Variants in PEX7 observed in about 807,000 individuals in gnomAD.
PEX7 encodes the protein PTS2 receptor.
A neutral mutation model predicts 47.5 loss-of-function variants in PEX7; 34 were observed. The observed-to-expected ratio is 0.72, with a 90% CI of 0.54 to 0.95. The LOEUF (loss-of-function observed/expected upper bound fraction) is 0.95. Ranked by LOEUF, PEX7 falls within the 40% of genes least tolerant of loss-of-function variation. The probability of loss-of-function intolerance (pLI) is 0.00; values close to 1 mark genes in which losing one functional copy is unlikely to be tolerated. For synonymous variants in PEX7, 141 were observed against 148.8 expected, an observed-to-expected ratio of 0.95 and a Z score of 0.38; for missense variants, 394 against 400.3, an observed-to-expected ratio of 0.98 and a Z score of 0.13.
rs145009649 is a variant in PEX7 at position 136,905,466 on chromosome 6, C to CT, written c.903+7228dup. On this transcript the variant is annotated intron_variant, in intron 9 of 9. Transcript: ENST00000318471. ...TACACTCTCTTTTAAACCTGTCTTC[C>CT]TTTCATCATTCAATTGAAGTTAAGC... Among the ~76,000 whole-genome samples, 1,278 of 152,222 alleles carry CT rather than the reference C, an allele frequency of 8.4e-3. 9 individuals are homozygous for CT. The highest frequency in any genetic ancestry group is 0.034 in the Middle Eastern group (10 of 294).
chr6:136,857,522 A>G (rs1402833377), intron 5 of PEX7, among the ~76,000 whole-genome samples: 2 of 152,208 alleles, frequency 1.3e-5, no homozygotes, highest in African/African-American at 4.8e-5. Context: ...GAGGAATGCT[A>G]AGACAAAATC....
intron 3 of PEX7, among the ~76,000 whole-genome samples, chr6:136,833,233 G>A (rs1202322748): frequency 6.6e-6 from 1 of 152,138 alleles, no homozygotes; most frequent in Admixed American, 6.5e-5. Flanking sequence ...TGACAGGAGA[G>A]AGAGAGCAAG....
intron 3 of PEX7, among the ~76,000 whole-genome samples, chr6:136,844,980 C>A (rs1403342840): frequency 6.6e-6 from 1 of 152,112 alleles, no homozygotes; most frequent in Non-Finnish European, 1.5e-5. Context: ...TAATTATGCA[C>A]ATATTTTGTT....
intron 6 of PEX7, 120 bp downstream of exon 6, chr6:136,866,853 G>A (rs1195445159): frequency 1.2e-6 from 1 of 830,668 alleles, no homozygotes; most frequent in African/African-American, 1.7e-5. Context: ...GTTAAATTCT[G>A]TCCCTTTCCT....
chr6:136,904,232 G>A (rs746456070), intron 9 of PEX7, among the ~76,000 whole-genome samples: 21 of 152,072 alleles, frequency 1.4e-4, no homozygotes, highest in Non-Finnish European at 1.6e-4. Flanking sequence ...AGAAGCAGTC[G>A]GTGTCCTCAG....
intron 8 of PEX7, among the ~76,000 whole-genome samples, chr6:136,876,701 G>C (rs1259618204): frequency 6.6e-6 from 1 of 152,218 alleles, no homozygotes; most frequent in Non-Finnish European, 1.5e-5. Context: ...GTGTTCCATG[G>C]TGTATATGTG....
intron 3 of PEX7, among the ~76,000 whole-genome samples, chr6:136,828,476 C>T (rs1483389236): frequency 6.6e-6 from 1 of 152,208 alleles, no homozygotes; most frequent in Non-Finnish European, 1.5e-5. Context: ...TCTATAGCAA[C>T]CAACTGCTGC....
At position 136,911,030 on chromosome 6, in the gene PEX7, C is replaced by A. The variant is rs1294094406; in HGVS notation, c.904-2428C>A. Among the ~76,000 whole-genome samples the A allele has an allele frequency of 2.6e-5, 4 of 152,128 alleles. No homozygotes were observed. In the East Asian group the frequency reaches 5.8e-4, roughly 22 times the overall value. ...TTCACATATATTGAAATTTACAAAT[C>A]TTAGATATACATTTTTGACAAATAG... On this transcript the variant is annotated intron_variant, in intron 9 of 9. Transcript: ENST00000318471.
intron 9 of PEX7, among the ~76,000 whole-genome samples, chr6:136,907,634 G>A (rs1280861726): frequency 6.6e-6 from 1 of 152,026 alleles, no homozygotes; most frequent in East Asian, 1.9e-4. Context: ...GAAAAAAAGG[G>A]TATAATGATA....
intron 3 of PEX7, among the ~76,000 whole-genome samples, chr6:136,828,414 T>C (rs1318264662): frequency 6.6e-6 from 1 of 152,238 alleles, no homozygotes; most frequent in Non-Finnish European, 1.5e-5. Context: ...TATTTGACTT[T>C]TAGGTTGTTC....
At chr6:136,831,948 T>G (rs967885624) in intron 3 of PEX7, among the ~76,000 whole-genome samples, 20 of 152,366 alleles carry the variant, frequency 1.3e-4, no homozygotes, top group African/African-American at 4.6e-4. Context: ...TCAGTGAATC[T>G]ACCTTTCTGG....
chr6:136,849,667 G>T (rs1008951624), intron 5 of PEX7, among the ~76,000 whole-genome samples: 1 of 152,314 alleles, frequency 6.6e-6, no homozygotes, highest in Non-Finnish European at 1.5e-5. Context: ...GTGGTTTTGA[G>T]TGAGTTTCTT....
At chr6:136,837,327 A>C (rs971456949) in intron 3 of PEX7, among the ~76,000 whole-genome samples, 1 of 147,230 alleles carries the variant, frequency 6.8e-6, no homozygotes, top group Admixed American at 6.8e-5. Flanking sequence ...GCGCCACTGC[A>C]CTCCAGCCTG....
rs772891476 is a variant in PEX7 at position 136,869,941 on chromosome 6, A to C, written c.685A>C (p.Arg229=). 4 of 1,614,014 alleles carry C rather than the reference A, an allele frequency of 2.5e-6. No homozygotes were observed. In the African/African-American group the frequency reaches 5.3e-5, roughly 22 times the overall value. Residue 229 remains arginine, a synonymous_variant, in exon 7 of 10, where the codon AGG becomes CGG. Coordinates refer to ENST00000318471, the MANE Select transcript of PEX7 (RefSeq NM_000288.4). ...CTGTAGTTTGAGAGGCTGGGACTTA[A>C]GGAATGTACGACAACCAGTGTTTGA... is the stretch of plus-strand genomic sequence containing the variant. The part of the protein sequence containing the change: ...VDCSLRGWDL[R]NVRQPVFELL...
intron 5 of PEX7, among the ~76,000 whole-genome samples, chr6:136,859,716 T>C (rs991824979): frequency 1.3e-5 from 2 of 152,224 alleles, no homozygotes; most frequent in Admixed American, 1.3e-4. Context: ...CTTGCCCATA[T>C]TGTACATTTA....
chr6:136,913,191 G>A (rs1465817553), intron 9 of PEX7, among the ~76,000 whole-genome samples: 2 of 152,090 alleles, frequency 1.3e-5, no homozygotes, highest in Admixed American at 6.5e-5. Context: ...TGAAGGTGGG[G>A]GACATTCTTA....
intron 1 of PEX7, 124 bp downstream of exon 1, chr6:136,822,919 A>AG (rs1562724152): frequency 8.3e-7 from 1 of 1,210,284 alleles, no homozygotes; most frequent in Non-Finnish European, 1.0e-6. Context: ...GGTCCACGCC[A>AG]GGGGGCAGAA....
intron 7 of PEX7, 55 bp from the exon 8 acceptor site, chr6:136,872,143 G>A: frequency 7.1e-7 from 1 of 1,410,286 alleles, no homozygotes; most frequent in Non-Finnish European, 9.9e-7. Flanking sequence ...AGAAAGCAGT[G>A]TTATAATCAC....
At chr6:136,834,712 T>C (rs531935800) in intron 3 of PEX7, among the ~76,000 whole-genome samples, 2 of 152,326 alleles carry the variant, frequency 1.3e-5, no homozygotes, top group African/African-American at 4.8e-5. Context: ...GGTTGGACTT[T>C]ATGCTTTGAA....
Sources: gnomAD v4.1 joint callset for allele counts (sites outside exome capture counted in the v4.1 genomes callset) on GRCh38, gnomAD v4.1.1 for gene constraint, MANE v1.5 for transcripts, NCBI Gene and HGNC (gene_info 2026-07-23, HGNC 2026-07-21) for gene names.